The following CACNA2D1 variants were observed in gnomAD, a reference collection of about 807,000 sequenced individuals.
CACNA2D1 encodes voltage-dependent calcium channel subunit alpha-2/delta-1.
CACNA2D1 carries 53 observed loss-of-function variants against 171.5 expected under a neutral mutation model. The observed-to-expected ratio is 0.31, with a 90% CI of 0.25 to 0.39. The LOEUF (loss-of-function observed/expected upper bound fraction) is 0.39. Among genes scored for constraint, CACNA2D1 ranks in the 10% least tolerant of loss-of-function variants. The pLI is 1.00. For synonymous variants in CACNA2D1, 442 were observed against 443.1 expected (o/e 1.00, Z 0.03); for missense variants, 903 against 1,299.8 (o/e 0.69, Z 4.69).
rs571001694 is a variant in CACNA2D1 at position 81,953,520 on chromosome 7, TA to T, written c.3160-3013del. ...TTTCTCTCCAGGTAGGGTAAACAGA[TA>T]AAAAACAGGGTACCAGTAACAATTG... On this transcript the variant is annotated intron_variant, in intron 38 of 38. Transcript: ENST00000356860. 5.3e-5 allele frequency among the ~76,000 whole-genome samples: 8 copies of T among 150,580 alleles called. No homozygotes were observed. In the East Asian group the frequency reaches 1.6e-3, roughly 30 times the overall value.
chr7:82,390,349 A>T (rs1824962534), intron 1 of CACNA2D1, among the ~76,000 whole-genome samples: 1 of 152,158 alleles, frequency 6.6e-6, no homozygotes, highest in African/African-American at 2.4e-5. Flanking sequence ...GTACCCAAGC[A>T]ATATGTATAA....
rs139412769 is a variant in CACNA2D1, at chr7:82,419,403, A to G, written c.95+23962T>C. ...ATATCTACAAAGCATTTTATGCACT[A>G]TGCACATGGGCAGGATAGATAGCCT... On this transcript the variant is annotated intron_variant, in intron 1 of 38. Transcript: ENST00000356860. Among the ~76,000 whole-genome samples, 457 of 152,286 alleles carry G rather than the reference A, an allele frequency of 3.0e-3. 4 individuals are homozygous for G. Among genetic ancestry groups the G allele is most frequent in the African/African-American group, 0.01 (435 of 41,564 alleles).
At chr7:82,293,025 T>G (rs1811844241) in intron 3 of CACNA2D1, among the ~76,000 whole-genome samples, 1 of 152,070 alleles carries the variant, frequency 6.6e-6, no homozygotes, top group East Asian at 1.9e-4. Flanking sequence ...CTTCATAGAC[T>G]GATCTAATTT....
intron 6 of CACNA2D1, among the ~76,000 whole-genome samples, chr7:82,113,655 C>T (rs1788699887): frequency 1.3e-5 from 2 of 152,168 alleles, no homozygotes; most frequent in South Asian, 4.1e-4. Context: ...CTGTTTCCTT[C>T]AGTTAAGCCT....
chr7:82,118,886 A>C (rs1789390344), intron 5 of CACNA2D1, among the ~76,000 whole-genome samples: 1 of 152,106 alleles, frequency 6.6e-6, no homozygotes, highest in Admixed American at 6.6e-5. Context: ...TAGTTTATAT[A>C]AATTAAAATA....
intron 24 of CACNA2D1, among the ~76,000 whole-genome samples, chr7:81,979,349 C>T (rs1405311111): frequency 1.3e-5 from 2 of 152,058 alleles, no homozygotes; most frequent in African/African-American, 2.4e-5. Context: ...ATGGTTCATA[C>T]ACTAATACCT....
chr7:82,091,917 C>T (rs778959720), intron 6 of CACNA2D1, among the ~76,000 whole-genome samples: 1 of 152,116 alleles, frequency 6.6e-6, no homozygotes, highest in Non-Finnish European at 1.5e-5. Flanking sequence ...TACTAAGGAT[C>T]CTAGACAGCC....
intron 4 of CACNA2D1, among the ~76,000 whole-genome samples, chr7:82,167,566 T>C (rs542737100): frequency 6.6e-6 from 1 of 152,212 alleles, no homozygotes; most frequent in Admixed American, 6.5e-5. Flanking sequence ...CTAAACCTTC[T>C]ATCACTCTAT....
At chr7:82,371,738 C>T (rs1009512200) in intron 1 of CACNA2D1, among the ~76,000 whole-genome samples, 1 of 152,052 alleles carries the variant, frequency 6.6e-6, no homozygotes, top group African/African-American at 2.4e-5. Flanking sequence ...CCATCCCCGG[C>T]TATTTTTTGT....
intron 3 of CACNA2D1, among the ~76,000 whole-genome samples, chr7:82,267,669 T>C (rs1446562565): frequency 6.6e-6 from 1 of 152,080 alleles, no homozygotes; most frequent in African/African-American, 2.4e-5. Context: ...TCTTACTGAA[T>C]TGAAGAAACG....
intron 3 of CACNA2D1, among the ~76,000 whole-genome samples, chr7:82,270,142 T>C (rs1808427357): frequency 6.6e-6 from 1 of 152,178 alleles, no homozygotes; most frequent in East Asian, 1.9e-4. Flanking sequence ...TCAGCTGTTC[T>C]CTCCTCAGCT....
chr7:82,237,871 C>T (rs1387331891), intron 3 of CACNA2D1, among the ~76,000 whole-genome samples: 1 of 151,862 alleles, frequency 6.6e-6, no homozygotes, highest in Non-Finnish European at 1.5e-5. Context: ...AGTAGCTTAC[C>T]TAAAATCTAA....
At position 82,206,186 on chromosome 7, in the gene CACNA2D1, C is replaced by T. The variant is rs544434155; in HGVS notation, c.295-35577G>A. ...ACTATTATTTCTGAAATCAAATTTA[C>T]AAGCTCAGTGTGAATCAATTAACTG... is the stretch of plus-strand genomic sequence containing the variant. On this transcript the variant is annotated intron_variant, in intron 3 of 38. Coordinates refer to ENST00000356860, the MANE Select transcript of CACNA2D1 (RefSeq NM_000722.4). Among the ~76,000 whole-genome samples the T allele has an allele frequency of 2.6e-5, 4 of 152,024 alleles. No individual in the cohort carries two copies. The East Asian group carries it at 7.7e-4, about 29-fold the overall frequency.
intron 22 of CACNA2D1, among the ~76,000 whole-genome samples, chr7:81,984,144 C>T (rs1433653347): frequency 6.6e-6 from 1 of 152,028 alleles, no homozygotes; most frequent in Admixed American, 6.6e-5. Context: ...AGCCAAAGAC[C>T]AGTGCAATTT....
intron 3 of CACNA2D1, among the ~76,000 whole-genome samples, chr7:82,282,708 G>GAGA (rs1810278259): frequency 2.7e-5 from 4 of 149,726 alleles, no homozygotes; most frequent in African/African-American, 7.4e-5. Context: ...AAAATGTGGG[G>GAGA]GGGGGAATCA....
At chr7:82,293,359 CAT>C in intron 3 of CACNA2D1, among the ~76,000 whole-genome samples, 2 of 152,218 alleles carry the variant, frequency 1.3e-5, no homozygotes, top group East Asian at 3.9e-4. Flanking sequence ...TTCAATCATA[CAT>C]AATCTTTGTT....
intron 3 of CACNA2D1, among the ~76,000 whole-genome samples, chr7:82,314,545 G>A (rs1255220044): frequency 6.6e-6 from 1 of 152,122 alleles, no homozygotes; most frequent in Non-Finnish European, 1.5e-5. Flanking sequence ...CATTAGTGAG[G>A]TGTGCTAACT....
chr7:82,217,560 A>C (rs941454127), intron 3 of CACNA2D1, among the ~76,000 whole-genome samples: 6 of 150,766 alleles, frequency 4.0e-5, no homozygotes, highest in African/African-American at 1.5e-4. Context: ...GTAGAACTAT[A>C]ATTTCAGCAG....
intron 6 of CACNA2D1, among the ~76,000 whole-genome samples, chr7:82,093,617 T>G (rs1811501104): frequency 6.6e-6 from 1 of 152,132 alleles, no homozygotes; most frequent in African/African-American, 2.4e-5. Flanking sequence ...GAAAAAAGAT[T>G]TTTAATATCT....
Sources: gnomAD v4.1 joint callset for allele counts (sites outside exome capture counted in the v4.1 genomes callset) on GRCh38, gnomAD v4.1.1 for gene constraint, MANE v1.5 for transcripts, NCBI Gene and HGNC (gene_info 2026-07-23, HGNC 2026-07-21) for gene names.